Variants in COL13A1 observed in about 807,000 individuals in gnomAD.
The protein encoded by COL13A1 is collagen alpha-1(XIII) chain.
COL13A1 carries 89 observed loss-of-function variants against 130.9 expected under a neutral mutation model. The ratio of observed to expected loss-of-function variants is 0.68; its 90% CI spans 0.57 to 0.81. The LOEUF (loss-of-function observed/expected upper bound fraction) is 0.81. Ranked by LOEUF, COL13A1 falls within the 30% of genes least tolerant of loss-of-function variation. COL13A1 has a pLI of 0.00. For missense variants in COL13A1, 879 were observed against 934.6 expected, an observed-to-expected ratio of 0.94 and a Z score of 0.78; for synonymous variants, 402 against 341.6, an observed-to-expected ratio of 1.18 and a Z score of -1.95.
intron 7 of COL13A1, among the ~76,000 whole-genome samples, chr10:69,885,583 T>C (rs1325228003): frequency 6.6e-6 from 1 of 152,186 alleles, no homozygotes; most frequent in Non-Finnish European, 1.5e-5. Flanking sequence ...GAGACATTCA[T>C]CCTGCTACCA....
At chr10:69,867,939 C>A (rs2058685991) in intron 3 of COL13A1, 134 bp downstream of exon 3, 1 of 655,198 alleles carries the variant, frequency 1.5e-6, no homozygotes, top group African/African-American at 1.8e-5. Flanking sequence ...CCTGAGGGGT[C>A]CCTCCAGAAT....
chr10:69,853,272 C>T (rs1047406481), intron 2 of COL13A1, among the ~76,000 whole-genome samples: 3 of 152,170 alleles, frequency 2.0e-5, no homozygotes, highest in Non-Finnish European at 4.4e-5. Flanking sequence ...ACCCACCCCC[C>T]GTCCCATCCC....
At chr10:69,932,021 C>G (rs1451205641) in intron 30 of COL13A1, among the ~76,000 whole-genome samples, 1 of 152,094 alleles carries the variant, frequency 6.6e-6, no homozygotes, top group East Asian at 1.9e-4. Flanking sequence ...AGGCCACCTA[C>G]AGTTCCTGCC....
At chr10:69,886,016 CTT>C (rs1210199483) in intron 7 of COL13A1, among the ~76,000 whole-genome samples, 3 of 152,168 alleles carry the variant, frequency 2.0e-5, no homozygotes, top group Non-Finnish European at 4.4e-5. Flanking sequence ...CCACTGGACA[CTT>C]ATATTCGTGG....
intron 1 of COL13A1, among the ~76,000 whole-genome samples, chr10:69,812,508 T>A (rs2132300908): frequency 6.6e-6 from 1 of 152,338 alleles, no homozygotes; most frequent in African/African-American, 2.4e-5. Context: ...TCCAATCTCC[T>A]TGAAAGAGCC....
chr10:69,934,399 A>G (rs2066555396), intron 31 of COL13A1, among the ~76,000 whole-genome samples: 1 of 152,220 alleles, frequency 6.6e-6, no homozygotes, highest in Admixed American at 6.5e-5. Flanking sequence ...GGAGACTGTG[A>G]TGGAGCGACA....
chr10:69,907,282 A>C (rs1167523328), intron 17 of COL13A1, among the ~76,000 whole-genome samples: 2 of 152,214 alleles, frequency 1.3e-5, no homozygotes, highest in South Asian at 4.1e-4. Context: ...TCTCCTATTT[A>C]AAAAATGAGA....
chr10:69,897,614 GC>G, intron 13 of COL13A1: 1 of 1,489,870 alleles, frequency 6.7e-7, no homozygotes, highest in South Asian at 1.2e-5. Flanking sequence ...ACATCCCCAG[GC>G]CCCGGCAGTG....
At chr10:69,872,103 A>G (rs984261980) in intron 3 of COL13A1, 81 bp from the exon 4 acceptor site, 4 of 1,555,704 alleles carry the variant, frequency 2.6e-6, no homozygotes, top group African/African-American at 1.4e-5. Flanking sequence ...TGCCAAGGTC[A>G]CACAGCTGGT....
rs117337385 is a variant in COL13A1 at position 69,932,092 on chromosome 10, C to T, written c.1684-468C>T. 9.3e-4 allele frequency among the ~76,000 whole-genome samples: 142 copies of T among 152,076 alleles called. 1 individual carries two copies. In the East Asian group the frequency reaches 0.027, roughly 29 times the overall value. On this transcript the variant is annotated intron_variant, in intron 30 of 40. Transcript: ENST00000645393. Reference sequence around the variant, plus strand: ...AGACAGTTCACATTATAGCAACTGGCATCTTCAAGGACAAGGCCAGCAGTA... The same window carrying T: ...AGACAGTTCACATTATAGCAACTGGTATCTTCAAGGACAAGGCCAGCAGTA...
intron 14 of COL13A1, among the ~76,000 whole-genome samples, chr10:69,901,286 G>T (rs1476736990): frequency 6.6e-6 from 1 of 152,204 alleles, no homozygotes; most frequent in Admixed American, 6.5e-5. Flanking sequence ...AGAGGGTGTG[G>T]CAGGATAGGA....
At chr10:69,941,471 T>G (rs1040063368) in intron 35 of COL13A1, among the ~76,000 whole-genome samples, 1 of 152,184 alleles carries the variant, frequency 6.6e-6, no homozygotes, top group African/African-American at 2.4e-5. Flanking sequence ...CCTAGTCTTG[T>G]GCAGCCACCA....
chr10:69,887,939 AG>A (rs1230672528), intron 8 of COL13A1, among the ~76,000 whole-genome samples: 3 of 152,118 alleles, frequency 2.0e-5, no homozygotes, highest in African/African-American at 7.2e-5. Flanking sequence ...GGCAGAGCAG[AG>A]GGAGCAGTTC....
At chr10:69,820,360 A>C (rs1468034820) in intron 1 of COL13A1, among the ~76,000 whole-genome samples, 1 of 152,208 alleles carries the variant, frequency 6.6e-6, no homozygotes, top group African/African-American at 2.4e-5. Flanking sequence ...GACAACTCCG[A>C]TGGTTACAAC....
intron 2 of COL13A1, among the ~76,000 whole-genome samples, chr10:69,826,426 G>T (rs1847499273): frequency 6.6e-6 from 1 of 152,238 alleles, no homozygotes; most frequent in African/African-American, 2.4e-5. Flanking sequence ...GGTGGCATGG[G>T]GGTGATGTGG....
intron 10 of COL13A1, among the ~76,000 whole-genome samples, chr10:69,892,610 A>G (rs955634513): frequency 2.0e-5 from 3 of 152,186 alleles, no homozygotes; most frequent in Non-Finnish European, 4.4e-5. Flanking sequence ...CGAGAAGCAG[A>G]CAGGCGCCTT....
At chr10:69,820,114 A>T (rs372138000) in intron 1 of COL13A1, among the ~76,000 whole-genome samples, 5 of 148,354 alleles carry the variant, frequency 3.4e-5, no homozygotes, top group East Asian at 4.0e-4. Flanking sequence ...GTATAAAAAA[A>T]CCACCTTCCA....
intron 7 of COL13A1, among the ~76,000 whole-genome samples, chr10:69,884,232 A>C (rs1486749399): frequency 3.3e-5 from 5 of 152,046 alleles, no homozygotes; most frequent in Non-Finnish European, 7.3e-5. Flanking sequence ...TGCACACCTC[A>C]CCTCCTCCCA....
At chr10:69,829,656 G>A (rs1337722562) in intron 2 of COL13A1, among the ~76,000 whole-genome samples, 1 of 152,226 alleles carries the variant, frequency 6.6e-6, no homozygotes, top group Non-Finnish European at 1.5e-5. Flanking sequence ...TCACCTTGGA[G>A]AGGGCCCTGG....
Sources: allele counts gnomAD v4.1 joint callset (sites outside exome capture counted in the v4.1 genomes callset), GRCh38; gene constraint gnomAD v4.1.1; transcripts MANE v1.5; gene names NCBI Gene and HGNC (gene_info 2026-07-23, HGNC 2026-07-21).